RBFOX1: variants seen among roughly 807,000 people sequenced by gnomAD.
RBFOX1 encodes the protein RNA binding protein fox-1 homolog 1.
In RBFOX1, 8 loss-of-function variants were observed where a neutral mutation model predicts 57.7. The observed-to-expected ratio is 0.14, with a 90% CI of 0.08 to 0.25. The LOEUF (loss-of-function observed/expected upper bound fraction) is 0.25. RBFOX1 is among the 10% of genes least tolerant of loss of function. RBFOX1 has a pLI of 1.00. For synonymous variants in RBFOX1, 326 were observed against 222.4 expected (o/e 1.47, Z -4.15); for missense variants, 611 against 548.5 (o/e 1.11, Z -1.14).
At chr16:6,536,572 C>G (rs1254819528) in intron 2 of RBFOX1, among the ~76,000 whole-genome samples, 1 of 149,162 alleles carries the variant, frequency 6.7e-6, no homozygotes, top group Non-Finnish European at 1.5e-5. Context: ...TTTTTTCTTT[C>G]TAATTTTCCT....
At chr16:7,662,074 T>A (rs1364729409) in intron 12 of RBFOX1, among the ~76,000 whole-genome samples, 1 of 152,130 alleles carries the variant, frequency 6.6e-6, no homozygotes, top group African/African-American at 2.4e-5. Context: ...CTCAGCCATA[T>A]CAAAGAACCC....
intron 9 of RBFOX1, among the ~76,000 whole-genome samples, chr16:7,606,118 ATTTTTTT>A (rs34232105): frequency 8.7e-6 from 1 of 114,622 alleles, no homozygotes; most frequent in Admixed American, 1.0e-4. Context: ...ACCTGCATGG[ATTTTTTT>A]TTTTTTTTTT....
At chr16:5,284,197 C>T (rs1415772372) in intron 1 of RBFOX1, among the ~76,000 whole-genome samples, 12 of 152,290 alleles carry the variant, frequency 7.9e-5, no homozygotes, top group East Asian at 3.9e-4. Context: ...TCCCCAGCTA[C>T]GTGGAAATGT....
chr16:5,452,538 C>T (rs908320408), intron 1 of RBFOX1, among the ~76,000 whole-genome samples: 7 of 152,150 alleles, frequency 4.6e-5, no homozygotes, highest in African/African-American at 1.4e-4. Context: ...TGTTAGCACC[C>T]ATTTCAACAA....
intron 4 of RBFOX1, among the ~76,000 whole-genome samples, chr16:7,193,228 C>T (rs1021789600): frequency 2.6e-5 from 4 of 152,192 alleles, no homozygotes; most frequent in Non-Finnish European, 5.9e-5. Flanking sequence ...CAGAGCAGCT[C>T]TTCCTGAAAA....
chr16:6,477,052 A>T (rs568678792), intron 2 of RBFOX1, among the ~76,000 whole-genome samples: 14 of 152,130 alleles, frequency 9.2e-5, no homozygotes, highest in Admixed American at 2.0e-4. Flanking sequence ...CTCCACTTGT[A>T]ATTCTAGTTC....
intron 3 of RBFOX1, among the ~76,000 whole-genome samples, chr16:6,779,869 T>A (rs866312170): frequency 1.8e-3 from 6 of 3,310 alleles, no homozygotes; most frequent in South Asian, 0.01. Flanking sequence ...ATTTATATAT[T>A]TATATATATT....
chr16:5,309,842 G>T (rs925937121), intron 1 of RBFOX1, among the ~76,000 whole-genome samples: 4 of 152,202 alleles, frequency 2.6e-5, no homozygotes, highest in African/African-American at 9.6e-5. Context: ...GACCCTCAAA[G>T]ACTTTGTTTC....
intron 4 of RBFOX1, among the ~76,000 whole-genome samples, chr16:7,185,161 G>T (rs187495387): frequency 6.6e-6 from 1 of 151,884 alleles, no homozygotes; most frequent in African/African-American, 2.4e-5. Flanking sequence ...AGTGTCAACC[G>T]CAGAATAAGT....
intron 1 of RBFOX1, among the ~76,000 whole-genome samples, chr16:5,272,388 C>A (rs557768925): frequency 6.6e-6 from 1 of 152,250 alleles, no homozygotes; most frequent in East Asian, 1.9e-4. Context: ...TTGTTCAAAG[C>A]CCCATTTGGC....
intron 5 of RBFOX1, among the ~76,000 whole-genome samples, chr16:7,573,129 T>C (rs1416344670): frequency 6.6e-6 from 1 of 152,128 alleles, no homozygotes; most frequent in Non-Finnish European, 1.5e-5. Flanking sequence ...GTTTCTCCAA[T>C]GGGTGACACC....
At chr16:6,862,381 C>T (rs1174647523) in intron 3 of RBFOX1, among the ~76,000 whole-genome samples, 2 of 152,154 alleles carry the variant, frequency 1.3e-5, no homozygotes, top group Non-Finnish European at 2.9e-5. Context: ...GGCCCCAGAG[C>T]AGGTTCAATG....
At chr16:6,865,821 T>G (rs971245604) in intron 3 of RBFOX1, among the ~76,000 whole-genome samples, 4 of 152,200 alleles carry the variant, frequency 2.6e-5, no homozygotes, top group Non-Finnish European at 5.9e-5. Context: ...CGGAGAATTT[T>G]CAGGTACAAT....
chr16:6,893,225 C>T lies in RBFOX1; in HGVS notation c.-15-158832C>T, dbSNP rs186175940. Among the ~76,000 whole-genome samples, 14 of 152,268 alleles carry T rather than the reference C, an allele frequency of 9.2e-5. No homozygotes were observed. In the East Asian group the frequency reaches 1.5e-3, roughly 17 times the overall value. On this transcript the variant is annotated intron_variant, in intron 3 of 15. Transcript: ENST00000550418. ...GGACAAGCTCACAGGGAAGCAGAGA[C>T]TGTGGAGGGAACACAGCTTCTCCCA... is the stretch of plus-strand genomic sequence containing the variant.
intron 3 of RBFOX1, among the ~76,000 whole-genome samples, chr16:6,808,914 C>T (rs945608194): frequency 5.9e-5 from 9 of 152,156 alleles, no homozygotes; most frequent in African/African-American, 1.4e-4. Flanking sequence ...AAGATGTTAA[C>T]GCAAACTAAA....
chr16:5,264,421 G>A (rs534200145), intron 1 of RBFOX1, among the ~76,000 whole-genome samples: 7 of 152,248 alleles, frequency 4.6e-5, no homozygotes, highest in Non-Finnish European at 8.8e-5. Flanking sequence ...CCCAAATGGT[G>A]TTCTTTGGAC....
At chr16:7,174,027 A>T (rs1372999663) in intron 4 of RBFOX1, among the ~76,000 whole-genome samples, 1 of 152,224 alleles carries the variant, frequency 6.6e-6, no homozygotes, top group African/African-American at 2.4e-5. Context: ...TATATTCATT[A>T]AACAAATATT....
At chr16:6,804,392 C>A (rs1347385643) in intron 3 of RBFOX1, among the ~76,000 whole-genome samples, 1 of 152,090 alleles carries the variant, frequency 6.6e-6, no homozygotes, top group Non-Finnish European at 1.5e-5. Context: ...CCCTAATGCC[C>A]CATCTAGCCC....
chr16:6,033,572 G>C (rs1250276518), intron 1 of RBFOX1, among the ~76,000 whole-genome samples: 4 of 152,140 alleles, frequency 2.6e-5, no homozygotes, highest in Non-Finnish European at 5.9e-5. Context: ...TACCTTTTAA[G>C]GATTATTCCC....
Sources: gnomAD v4.1 joint callset for allele counts (sites outside exome capture counted in the v4.1 genomes callset) on GRCh38, gnomAD v4.1.1 for gene constraint, MANE v1.5 for transcripts, NCBI Gene and HGNC (gene_info 2026-07-23, HGNC 2026-07-21) for gene names.